PSPH: variants seen among roughly 807,000 people sequenced by gnomAD.
PSPH encodes the protein phosphoserine phosphatase, also known as L-3-phosphoserine phosphatase.
PSPH carries 16 observed loss-of-function variants against 23.4 expected under a neutral mutation model. The observed-to-expected ratio is 0.68, with a 90% CI of 0.46 to 1.04. The LOEUF is 1.04. PSPH is among the 50% of genes least tolerant of loss of function. The pLI is 0.00. For missense variants in PSPH, 223 were observed against 273.7 expected (o/e 0.81, Z 1.31); for synonymous variants, 68 against 99.7 (o/e 0.68, Z 1.89).
At chr7:56,039,374 TATA>T (rs1449129510) in intron 1 of PSPH, among the ~76,000 whole-genome samples, 1 of 152,160 alleles carries the variant, frequency 6.6e-6, no homozygotes, top group Non-Finnish European at 1.5e-5. Flanking sequence ...TCAATGATAT[TATA>T]ATAATTTTCC....
chr7:56,029,492 T>TAAAAAA lies in PSPH; in HGVS notation c.-20+2431_-20+2436dup, dbSNP rs59890123. On this transcript the variant is annotated intron_variant, in intron 3 of 7. Coordinates refer to ENST00000275605, the MANE Select transcript of PSPH (RefSeq NM_004577.4). Reference sequence around the variant, plus strand: ...CTTGGCAAGCAAAGGACCAACTGATTAAAAAAAAAAAAAAAAAAAAAGCCA... The same window carrying TAAAAAA: ...CTTGGCAAGCAAAGGACCAACTGATTAAAAAAAAAAAAAAAAAAAAAAAAAAAGCCA... 7.8e-5 allele frequency among the ~76,000 whole-genome samples: 6 copies of TAAAAAA among 76,816 alleles called. 1 individual carries two copies. Among genetic ancestry groups the TAAAAAA allele is most frequent in the African/African-American group, 1.1e-4 (2 of 18,686 alleles). 50.4% of individuals were successfully genotyped at this position (76,816 alleles called of 152,430 possible).
At chr7:56,027,102 G>A (rs1390720715) in intron 3 of PSPH, among the ~76,000 whole-genome samples, 1 of 151,716 alleles carries the variant, frequency 6.6e-6, no homozygotes, top group African/African-American at 2.4e-5. Context: ...CTACTCAGGA[G>A]GCTGAGGCAA....
intron 3 of PSPH, among the ~76,000 whole-genome samples, chr7:56,027,998 G>A (rs1221521156): frequency 1.3e-5 from 2 of 150,346 alleles, no homozygotes; most frequent in African/African-American, 4.9e-5. Flanking sequence ...GTTCAAGGGT[G>A]CAGTGAGGCC....
chr7:56,030,485 G>GAT (rs1386528292), intron 3 of PSPH, among the ~76,000 whole-genome samples: 11 of 152,048 alleles, frequency 7.2e-5, no homozygotes, highest in Non-Finnish European at 1.6e-4. Context: ...CTGCAACACA[G>GAT]ATGCAGCTGG....
At chr7:56,042,051 C>T (rs566047138) in intron 1 of PSPH, among the ~76,000 whole-genome samples, 2 of 151,650 alleles carry the variant, frequency 1.3e-5, no homozygotes. Flanking sequence ...GGTGAAACCT[C>T]GTCTCTACTA....
chr7:56,024,547 A>G (rs918198255), intron 3 of PSPH, among the ~76,000 whole-genome samples: 3 of 151,996 alleles, frequency 2.0e-5, no homozygotes, highest in Admixed American at 6.6e-5. Context: ...GGAGTTCAAC[A>G]CCTATCTGGG....
intron 1 of PSPH, among the ~76,000 whole-genome samples, chr7:56,047,220 C>CA (rs78062755): frequency 2.3e-3 from 277 of 121,936 alleles, no homozygotes; most frequent in South Asian, 3.9e-3. Flanking sequence ...CTTCTCTCTA[C>CA]AAAAAAAAAA....
intron 5 of PSPH, among the ~76,000 whole-genome samples, chr7:56,017,716 C>CTT (rs35860273): frequency 0.01 from 849 of 82,378 alleles, 78 homozygotes; most frequent in African/African-American, 0.029. Flanking sequence ...CACCCAGTTA[C>CTT]TTTTTTTTTT....
intron 7 of PSPH, among the ~76,000 whole-genome samples, chr7:56,013,668 C>CT (rs1310034546): frequency 1.3e-5 from 2 of 151,894 alleles, no homozygotes; most frequent in Non-Finnish European, 2.9e-5. Flanking sequence ...AAGTTCAGGG[C>CT]TGTGATAAGC....
chr7:56,017,266 A>G lies in PSPH; in HGVS notation c.389T>C (p.Val130Ala). Residue 130 changes from valine to alanine, a missense_variant, in exon 6 of 8, where the codon GTA becomes GCA. Transcript: ENST00000275605. ...ASKLNIPATN[V>A]FANRLKFYFN... Reference sequence around the variant, plus strand: ...GTAGAATTTCAGCCTATTGGCAAATACATTGGTTGCTGGGATATTGAGCTT... The same window carrying G: ...GTAGAATTTCAGCCTATTGGCAAATGCATTGGTTGCTGGGATATTGAGCTT... 6.2e-7 allele frequency: 1 copy of G among 1,613,978 alleles called. No individual in the cohort carries two copies. The highest frequency in any genetic ancestry group is 8.5e-7 in the Non-Finnish European group (1 of 1,179,864).
chr7:56,034,688 TG>T (rs1168271264), intron 1 of PSPH, among the ~76,000 whole-genome samples: 5 of 151,342 alleles, frequency 3.3e-5, no homozygotes, highest in African/African-American at 1.2e-4. Flanking sequence ...GCTAATTTTT[TG>T]TATTTTTTAA....
At chr7:56,042,133 G>A in intron 1 of PSPH, among the ~76,000 whole-genome samples, 1 of 148,574 alleles carries the variant, frequency 6.7e-6, no homozygotes, top group Admixed American at 6.9e-5. Context: ...TGAAGCAGGA[G>A]AATCGCTTGA....
chr7:56,017,598 G>A (rs1001464899), intron 5 of PSPH, among the ~76,000 whole-genome samples: 1 of 151,444 alleles, frequency 6.6e-6, no homozygotes, highest in African/African-American at 2.4e-5. Flanking sequence ...CGCCCAGGCT[G>A]GAGTGCAGTG....
chr7:56,048,908 A>G (rs1793602362), intron 1 of PSPH, among the ~76,000 whole-genome samples: 1 of 149,792 alleles, frequency 6.7e-6, no homozygotes, highest in South Asian at 2.1e-4. Context: ...CCCATCCTCT[A>G]GGGTTTTTTT....
intron 1 of PSPH, among the ~76,000 whole-genome samples, chr7:56,040,096 CA>C (rs563273497): frequency 2.5e-3 from 347 of 137,582 alleles, no homozygotes; most frequent in Non-Finnish European, 2.1e-3. Context: ...AAGACTCCAT[CA>C]AAAAAAAAAA....
intron 3 of PSPH, among the ~76,000 whole-genome samples, chr7:56,027,448 G>A (rs541918413): frequency 5.3e-5 from 8 of 151,884 alleles, no homozygotes; most frequent in South Asian, 2.1e-4. Flanking sequence ...TACTTTGGCC[G>A]GGAGCGGTGG....
chr7:56,034,247 C>T (rs1260010824), intron 1 of PSPH, 141 bp from the exon 2 acceptor site: 1 of 152,252 alleles, frequency 6.6e-6, no homozygotes, highest in Admixed American at 6.6e-5. Flanking sequence ...CCAGCCCCCT[C>T]CTCCTCCGGG....
At chr7:56,049,988 G>A (rs1170328420) in intron 1 of PSPH, among the ~76,000 whole-genome samples, 5 of 151,858 alleles carry the variant, frequency 3.3e-5, no homozygotes, top group South Asian at 2.1e-4. Flanking sequence ...CGCCCACCTC[G>A]GCTTCCCAAA....
intron 3 of PSPH, among the ~76,000 whole-genome samples, chr7:56,026,436 A>T (rs1445375592): frequency 7.0e-6 from 1 of 143,712 alleles, no homozygotes; most frequent in Non-Finnish European, 1.5e-5. Flanking sequence ...GTAAGCCGAG[A>T]TTGCACCACT....
Sources: gnomAD v4.1 joint callset for allele counts (sites outside exome capture counted in the v4.1 genomes callset) on GRCh38, gnomAD v4.1.1 for gene constraint, MANE v1.5 for transcripts, NCBI Gene and HGNC (gene_info 2026-07-23, HGNC 2026-07-21) for gene names.